Variants in GPC5 observed in about 807,000 individuals in gnomAD.
GPC5 encodes the protein glypican-5.
A neutral mutation model predicts 53.9 loss-of-function variants in GPC5; 47 were observed. The ratio of observed to expected loss-of-function variants is 0.87; its 90% CI spans 0.69 to 1.11. GPC5 has a LOEUF of 1.11. Among genes scored for constraint, GPC5 ranks in the 50% most tolerant of loss-of-function variants. The pLI is 0.00. For synonymous variants in GPC5, 286 were observed against 263.3 expected (o/e 1.09, Z -0.84); for missense variants, 748 against 713.1 (o/e 1.05, Z -0.56).
At chr13:91,424,852 T>C (rs191214444) in intron 1 of GPC5, among the ~76,000 whole-genome samples, 1 of 152,252 alleles carries the variant, frequency 6.6e-6, no homozygotes, top group Admixed American at 6.5e-5. Context: ...CATAATCTAC[T>C]TGCTGGAATT....
At chr13:91,468,569 A>G (rs1011606959) in intron 2 of GPC5, among the ~76,000 whole-genome samples, 1 of 152,152 alleles carries the variant, frequency 6.6e-6, no homozygotes. Context: ...ACCGGAAGTG[A>G]GGTGAGTCAC....
At chr13:91,445,966 C>T (rs1880777654) in intron 1 of GPC5, among the ~76,000 whole-genome samples, 1 of 152,204 alleles carries the variant, frequency 6.6e-6, no homozygotes, top group Admixed American at 6.5e-5. Context: ...ATCCTTCAGA[C>T]ATTCCTCTGT....
chr13:92,712,138 G>C (rs1057085461), intron 7 of GPC5, among the ~76,000 whole-genome samples: 3 of 151,574 alleles, frequency 2.0e-5, no homozygotes, highest in African/African-American at 7.3e-5. Context: ...TAAACCACTA[G>C]TGAGACTGAC....
chr13:91,500,717 A>C (rs1259025922), intron 2 of GPC5, among the ~76,000 whole-genome samples: 1 of 152,198 alleles, frequency 6.6e-6, no homozygotes, highest in African/African-American at 2.4e-5. Flanking sequence ...TAAATTTTAC[A>C]GCTACAGATT....
At chr13:91,642,711 A>C (rs2139498825) in intron 2 of GPC5, among the ~76,000 whole-genome samples, 1 of 61,434 alleles carries the variant, frequency 1.6e-5, no homozygotes, top group Middle Eastern at 9.1e-3. Context: ...TTTAAGGAAG[A>C]GCTTTTTTTT....
At chr13:92,116,485 A>G (rs1210814707) in intron 6 of GPC5, among the ~76,000 whole-genome samples, 1 of 152,312 alleles carries the variant, frequency 6.6e-6, no homozygotes, top group East Asian at 1.9e-4. Context: ...ATAGCAAACT[A>G]ATATACCGTG....
At chr13:92,282,467 G>A (rs1189406595) in intron 7 of GPC5, among the ~76,000 whole-genome samples, 1 of 152,130 alleles carries the variant, frequency 6.6e-6, no homozygotes, top group Non-Finnish European at 1.5e-5. Context: ...AAGTTGAAAT[G>A]AAGGAAAAAA....
chr13:92,478,662 A>G (rs1266194098), intron 7 of GPC5, among the ~76,000 whole-genome samples: 1 of 152,152 alleles, frequency 6.6e-6, no homozygotes. Context: ...ATAAAAAGGT[A>G]AAAATCAGAT....
chr13:92,431,730 A>G (rs967365241), intron 7 of GPC5, among the ~76,000 whole-genome samples: 13 of 152,184 alleles, frequency 8.5e-5, no homozygotes, highest in African/African-American at 3.1e-4. Flanking sequence ...GAGTAATCAA[A>G]CAGATCACTC....
intron 7 of GPC5, among the ~76,000 whole-genome samples, chr13:92,720,919 G>T (rs1888491505): frequency 6.6e-6 from 1 of 152,182 alleles, no homozygotes; most frequent in Middle Eastern, 3.4e-3. Flanking sequence ...GCCTGGGTTT[G>T]CATACCTATC....
chr13:91,686,507 G>A (rs2035625930), intron 2 of GPC5, among the ~76,000 whole-genome samples: 1 of 151,814 alleles, frequency 6.6e-6, no homozygotes, highest in South Asian at 2.1e-4. Flanking sequence ...AAAAAAATTA[G>A]GAAATATGCA....
At chr13:92,279,818 G>C (rs61966607) in intron 7 of GPC5, among the ~76,000 whole-genome samples, 6,909 of 152,078 alleles carry the variant, frequency 0.045, 174 homozygotes, top group East Asian at 0.065. Context: ...TGGTTTTCAA[G>C]TATTTTGTTG....
chr13:91,701,185 A>C (rs567838508), intron 3 of GPC5, among the ~76,000 whole-genome samples: 1 of 152,252 alleles, frequency 6.6e-6, no homozygotes, highest in Admixed American at 6.5e-5. Context: ...GATATCCTTC[A>C]CCTCATGTAC....
At chr13:92,483,231 G>A (rs1879422872) in intron 7 of GPC5, among the ~76,000 whole-genome samples, 1 of 152,134 alleles carries the variant, frequency 6.6e-6, no homozygotes, top group South Asian at 2.1e-4. Flanking sequence ...GCATGTTTCT[G>A]TGATTTCATA....
At chr13:92,430,250 A>G (rs1038331940) in intron 7 of GPC5, among the ~76,000 whole-genome samples, 6 of 152,112 alleles carry the variant, frequency 3.9e-5, no homozygotes, top group African/African-American at 1.2e-4. Context: ...GGGGGGAAAA[A>G]CACTAAGAAA....
intron 7 of GPC5, among the ~76,000 whole-genome samples, chr13:92,328,091 T>C (rs1020915356): frequency 1.3e-5 from 2 of 152,102 alleles, no homozygotes; most frequent in Non-Finnish European, 2.9e-5. Flanking sequence ...ATTCATGGAG[T>C]TGTTAACAAG....
intron 7 of GPC5, among the ~76,000 whole-genome samples, chr13:92,631,942 A>G (rs990506359): frequency 1.3e-5 from 2 of 152,174 alleles, no homozygotes; most frequent in Admixed American, 6.5e-5. Context: ...GTATATGCAA[A>G]TATTCCAAAA....
intron 2 of GPC5, among the ~76,000 whole-genome samples, chr13:91,601,849 G>A (rs904844987): frequency 3.3e-5 from 5 of 152,146 alleles, no homozygotes; most frequent in Non-Finnish European, 7.3e-5. Context: ...TAAATGTAAT[G>A]CACTTAAATC....
At chr13:92,324,647 G>A (rs891260579) in intron 7 of GPC5, among the ~76,000 whole-genome samples, 8 of 108,312 alleles carry the variant, frequency 7.4e-5, no homozygotes, top group African/African-American at 4.9e-4. Context: ...TATGTAGTAT[G>A]GCATATCATT....
Sources: allele counts gnomAD v4.1 joint callset (sites outside exome capture counted in the v4.1 genomes callset), GRCh38; gene constraint gnomAD v4.1.1; transcripts MANE v1.5; gene names NCBI Gene and HGNC (gene_info 2026-07-23, HGNC 2026-07-21).